The following MYBPC1 variants were observed in gnomAD, a reference collection of about 807,000 sequenced individuals.
MYBPC1 encodes myosin-binding protein C, slow-type.
MYBPC1 carries 52 observed loss-of-function variants against 147.1 expected under a neutral mutation model. That is an observed-to-expected ratio of 0.35 (90% CI 0.28 to 0.45). The LOEUF is 0.45. Ranked by LOEUF, MYBPC1 falls within the 20% of genes least tolerant of loss-of-function variation. MYBPC1 has a pLI of 1.00. For synonymous variants in MYBPC1, 477 were observed against 475.9 expected, an observed-to-expected ratio of 1.00 and a Z score of -0.03; for missense variants, 1,228 against 1,440.3, an observed-to-expected ratio of 0.85 and a Z score of 2.39.
chr12:101,680,550 C>T (rs1950871348), intron 29 of MYBPC1, 21 bp downstream of exon 29: 25 of 1,608,802 alleles, frequency 1.6e-5, no homozygotes, highest in Non-Finnish European at 1.9e-5. Context: ...CAATATCTCA[C>T]GTATAGACTA....
Position 101,682,528 on chromosome 12 carries a change from A to G in MYBPC1, c.3434-76A>G, listed in dbSNP as rs934097311. On this transcript the variant is annotated intron_variant, in intron 29 of 31. Transcript: ENST00000361466. ...ACTCTGATAATAGGTAACTTGAATC[A>G]AGTTGAGTTGTGAAAAAAGGTAAGA... The G allele has an allele frequency of 8.7e-6, 12 of 1,379,074 alleles. No individual in the cohort carries two copies. The African/African-American group carries it at 1.7e-4, about 20-fold the overall frequency. 85.4% of individuals were successfully genotyped at this position (1,379,074 alleles called of 1,614,324 possible). A position where few individuals can be genotyped will look rare whatever the true frequency, so the allele number is the denominator to read the frequency against.
Position 101,662,430 on chromosome 12 carries a change from C to T in MYBPC1, c.2105C>T (p.Thr702Ile). Residue 702 changes from threonine (T) to isoleucine (I), a missense_variant, in exon 21 of 32, where the codon ACA becomes ATA. Thr to Ile is a moderately conservative substitution (Grantham distance 89, BLOSUM62 -1). Transcript: ENST00000361466. ...MRLNFDLCKE[T>I]TFEPKKMIEG... ...CTGAATTTTGATCTCTGCAAAGAAA[C>T]AACTTTTGAGCCCAAGAAGATGATT... is the stretch of plus-strand genomic sequence containing the variant. The T allele has an allele frequency of 6.2e-7, 1 of 1,614,208 alleles. No individual in the cohort carries two copies. Among genetic ancestry groups the T allele is most frequent in the African/African-American group, 1.3e-5 (1 of 75,060 alleles).
Position 101,648,078 on chromosome 12 carries a change from A to G in MYBPC1, c.1124A>G (p.Asp375Gly), listed in dbSNP as rs1339499273. 3.1e-6 allele frequency: 5 copies of G among 1,612,988 alleles called. No homozygotes were observed. The highest frequency in any genetic ancestry group is 2.2e-5 in the East Asian group (1 of 44,846). ...ATTATGGTGACCAAACAGCTGGAAG[A>G]TACAACTGCTTATTGTGGGGAGAGA... is the stretch of plus-strand genomic sequence containing the variant. ...PPIMVTKQLE[D>G]TTAYCGERVE... The change falls in exon 14 of 32, where the codon GAT (aspartate) becomes GGT (glycine). Residue 375 changes from aspartate (D) to glycine (G), a missense_variant. By Grantham distance (94) the Asp-to-Gly change is moderately conservative (BLOSUM62 -1). Around this residue, in one of 2 missense-constraint regions of MYBPC1, gnomAD observed 1,077 missense variants for 1,314.2 expected, o/e 0.82. Transcript: ENST00000361466.
At chr12:101,662,739 A>T (rs1896777573) in intron 21 of MYBPC1, among the ~76,000 whole-genome samples, 193 bp downstream of exon 21, 1 of 152,212 alleles carries the variant, frequency 6.6e-6, no homozygotes, top group African/African-American at 2.4e-5. Flanking sequence ...ATAACTTCAT[A>T]ACATAGGCCC....
Position 101,644,718 on chromosome 12 carries a change from G to C in MYBPC1, c.887G>C (p.Arg296Thr). 1 of 1,614,018 alleles carries C rather than the reference G, an allele frequency of 6.2e-7. No individual in the cohort carries two copies. Among genetic ancestry groups the C allele is most frequent in the Non-Finnish European group, 8.5e-7 (1 of 1,179,938 alleles). ...CAGGTTGACAAAGGAGGCAGAGTGA[G>C]GTTTGTTGTGGAGCTGGCAGATCCA... The part of the protein sequence containing the change: ...AYQVDKGGRV[R>T]FVVELADPKL... Residue 296 changes from arginine to threonine, a missense_variant, in exon 12 of 32, where the codon AGG (arginine) becomes ACG (threonine). Physicochemically the swap from Arg to Thr is moderately conservative, Grantham distance 71. This residue lies in a region of MYBPC1 where 1,077 missense variants were observed against 1,314.2 expected (regional missense o/e 0.82). Coordinates refer to ENST00000361466, the MANE Select transcript of MYBPC1 (RefSeq NM_002465.4).
At chr12:101,635,287 C>T (rs2136103237) in intron 9 of MYBPC1, among the ~76,000 whole-genome samples, 1 of 152,156 alleles carries the variant, frequency 6.6e-6, no homozygotes, top group Non-Finnish European at 1.5e-5. Flanking sequence ...TTAATTATTC[C>T]ATAATATAAA....
At position 101,651,161 on chromosome 12, in the gene MYBPC1, G is replaced by A. The variant is rs1386994410; in HGVS notation, c.1364-70G>A. On this transcript the variant is annotated intron_variant, in intron 15 of 31. Coordinates refer to ENST00000361466, the MANE Select transcript of MYBPC1 (RefSeq NM_002465.4). ...TTGTAGTAGAGCTCACTATACCATT[G>A]TGAAATGCCACCATCTTGGCCTGTT... 6 of 1,552,204 alleles carry A rather than the reference G, an allele frequency of 3.9e-6. No homozygotes were observed. In the African/African-American group the frequency reaches 8.2e-5, roughly 21 times the overall value.
At position 101,685,906 on chromosome 12, in the gene MYBPC1, T is replaced by A. The variant is rs538417912; in HGVS notation, c.*344T>A. 6 of 428,918 alleles carry A rather than the reference T, an allele frequency of 1.4e-5. No homozygotes were observed. The highest frequency in any genetic ancestry group is 2.5e-5 in the Non-Finnish European group (6 of 239,698). 26.6% of individuals were successfully genotyped at this position (428,918 alleles called of 1,614,324 possible). On this transcript the variant is annotated 3_prime_UTR_variant, in exon 32 of 32. Transcript: ENST00000361466. ...GCACTTTGGTCATTATTATCTCTGC[T>A]CACTGTATTATACTTTACAAAAATG...
At chr12:101,681,407 TAATGAAGA>T (rs897803254) in intron 29 of MYBPC1, among the ~76,000 whole-genome samples, 4 of 151,014 alleles carry the variant, frequency 2.6e-5, no homozygotes, top group Admixed American at 6.6e-5. Context: ...AACCTCTCTA[TAATGAAGA>T]AATTATAATC....
chr12:101,640,137 A>G (rs1008870803), intron 10 of MYBPC1, among the ~76,000 whole-genome samples: 2 of 152,170 alleles, frequency 1.3e-5, no homozygotes, highest in Admixed American at 1.3e-4. Flanking sequence ...ACTTCAGCCC[A>G]AGTAGCTGGG....
downstream of MYBPC1, among the ~76,000 whole-genome samples, chr12:101,688,088 G>A (rs1437575881): frequency 1.3e-5 from 2 of 151,994 alleles, no homozygotes; most frequent in Middle Eastern, 3.2e-3. Context: ...CGTATCACAG[G>A]AATTTACCAA....
At chr12:101,607,212 T>C (rs1008190745) in intron 1 of MYBPC1, among the ~76,000 whole-genome samples, 7 of 152,154 alleles carry the variant, frequency 4.6e-5, no homozygotes, top group Non-Finnish European at 1.0e-4. Flanking sequence ...GGAGCTTCCA[T>C]TGTGCTCGTG....
At chr12:101,619,542 T>G (rs1886909931) in intron 3 of MYBPC1, among the ~76,000 whole-genome samples, 1 of 152,238 alleles carries the variant, frequency 6.6e-6, no homozygotes. Context: ...GCTTAGCTGC[T>G]GACCATTCAA....
chr12:101,685,617 G>A lies in MYBPC1; in HGVS notation c.*55G>A, dbSNP rs143262472. The A allele has an allele frequency of 5.7e-5, 88 of 1,534,534 alleles. No homozygotes were observed. In the East Asian group the frequency reaches 1.5e-3, roughly 27 times the overall value. On this transcript the variant is annotated 3_prime_UTR_variant, in exon 32 of 32. Transcript: ENST00000361466. ...CTTCTGCAGACTCCTCTTGCAAGGC[G>A]TACCTCCAAACATAATTGATTCGTA...
chr12:101,646,807 A>G lies in MYBPC1; in HGVS notation c.1010A>G (p.Asn337Ser), dbSNP rs1264287828. ...HKGCQRILFI[N>S]NCQMTDDSEY... Reference sequence around the variant, plus strand: ...GGATGCCAGAGAATCCTGTTTATCAATAACTGTCAGATGACAGATGATTCA... The same window carrying G: ...GGATGCCAGAGAATCCTGTTTATCAGTAACTGTCAGATGACAGATGATTCA... Residue 337 changes from asparagine (N) to serine (S), a missense_variant, in exon 13 of 32, where the codon AAT becomes AGT. Asn to Ser is a conservative substitution (Grantham distance 46). Transcript: ENST00000361466. 4 of 1,613,218 alleles carry G rather than the reference A, an allele frequency of 2.5e-6. No homozygotes were observed. In the East Asian group the frequency reaches 8.9e-5, roughly 36 times the overall value.
At chr12:101,635,920 T>C (rs547228277) in intron 9 of MYBPC1, among the ~76,000 whole-genome samples, 124 of 152,352 alleles carry the variant, frequency 8.1e-4, no homozygotes, top group African/African-American at 2.8e-3. Context: ...TTAGAGTTTA[T>C]ATGAAATCAC....
chr12:101,631,642 A>G lies in MYBPC1; in HGVS notation c.361A>G (p.Lys121Glu). The G allele has an allele frequency of 6.2e-7, 1 of 1,614,228 alleles. No individual in the cohort carries two copies. Among genetic ancestry groups the G allele is most frequent in the Non-Finnish European group, 8.5e-7 (1 of 1,180,026 alleles). Residue 121 changes from lysine to glutamate, a missense_variant, in exon 7 of 32, where the codon AAA becomes GAA. Coordinates refer to ENST00000361466, the MANE Select transcript of MYBPC1 (RefSeq NM_002465.4). Reference sequence around the variant, plus strand: ...GAGAAAACCCACTATCAAATGGTTCAAAGGAAAATGGATGGACCTGGCCAG... The same window carrying G: ...GAGAAAACCCACTATCAAATGGTTCGAAGGAAAATGGATGGACCTGGCCAG... ...LLRKPTIKWF[K>E]GKWMDLASKA...
chr12:101,629,611 GCCTGTAATCC>G, intron 6 of MYBPC1, 67 bp downstream of exon 6: 1 of 1,125,144 alleles, frequency 8.9e-7, no homozygotes, highest in South Asian at 1.3e-5. Flanking sequence ...GGTGCCTCAC[GCCTGTAATCC>G]CAGCACTCTG....
chr12:101,631,219 A>G (rs544833172), intron 6 of MYBPC1, among the ~76,000 whole-genome samples: 1 of 152,346 alleles, frequency 6.6e-6, no homozygotes, highest in Admixed American at 6.5e-5. Context: ...ATAAAATTTT[A>G]TACATATCCA....
Sources: gnomAD v4.1 joint callset for allele counts (sites outside exome capture counted in the v4.1 genomes callset) on GRCh38, gnomAD v4.1.1 for gene constraint, gnomAD v4.1.1 regional missense constraint, MANE v1.5 for transcripts, NCBI Gene and HGNC (gene_info 2026-07-23, HGNC 2026-07-21) for gene names.